Variants in GLIS3 observed in about 807,000 individuals in gnomAD.
GLIS3 encodes the protein zinc finger protein GLIS3.
Under a neutral mutation model 78.6 loss-of-function variants are expected in GLIS3, and 53 were observed. The observed-to-expected ratio is 0.67, with a 90% CI of 0.54 to 0.85. GLIS3 has a LOEUF of 0.85. Among genes scored for constraint, GLIS3 ranks in the 40% least tolerant of loss-of-function variants. The probability of loss-of-function intolerance (pLI) is 0.00; values close to 1 mark genes in which losing one functional copy is unlikely to be tolerated. For synonymous variants in GLIS3, 684 were observed against 509.9 expected, an observed-to-expected ratio of 1.34 and a Z score of -4.60; for missense variants, 1,703 against 1,231.1, an observed-to-expected ratio of 1.38 and a Z score of -5.74.
At chr9:4,061,644 T>C (rs760238628) in intron 4 of GLIS3, among the ~76,000 whole-genome samples, 4 of 152,198 alleles carry the variant, frequency 2.6e-5, no homozygotes, top group African/African-American at 4.8e-5. Flanking sequence ...AAAAATGAGA[T>C]GTTGATACTT....
At chr9:4,033,100 G>A (rs1823991281) in intron 4 of GLIS3, among the ~76,000 whole-genome samples, 1 of 152,046 alleles carries the variant, frequency 6.6e-6, no homozygotes, top group African/African-American at 2.4e-5. Context: ...TGATCCACCT[G>A]CCTCAGTCTC....
chr9:4,208,820 C>A (rs1047783468), intron 2 of GLIS3, among the ~76,000 whole-genome samples: 2 of 152,208 alleles, frequency 1.3e-5, no homozygotes, highest in African/African-American at 4.8e-5. Flanking sequence ...CTCTTGGTGA[C>A]ACCAGTGACC....
rs760717349 is a variant in GLIS3, at chr9:3,937,125, G to C, written c.1775C>G (p.Thr592Arg). Reference protein sequence around the residue: ...ENLKIHLRSHTGEKPYLCQHP... With the variant: ...ENLKIHLRSHRGEKPYLCQHP... ...CTGGCACAAATACGGCTTCTCGCCT[G>C]TGTGGCTCCGCAAGTGGATCTTGAG... Residue 592 changes from threonine to arginine, a missense_variant, in exon 5 of 11, where the codon ACA (threonine) becomes AGA (arginine). Transcript: ENST00000381971. 3.1e-6 allele frequency: 5 copies of C among 1,614,134 alleles called. No individual in the cohort carries two copies. Among genetic ancestry groups the C allele is most frequent in the Non-Finnish European group, 3.4e-6 (4 of 1,180,020 alleles).
chr9:4,209,557 A>G (rs1016486674), intron 2 of GLIS3, among the ~76,000 whole-genome samples: 4 of 152,176 alleles, frequency 2.6e-5, no homozygotes, highest in Admixed American at 2.0e-4. Flanking sequence ...TGTGCCTGCC[A>G]TCCTCTTGGA....
At chr9:4,396,460 T>G in the GLIS3 span, among the ~76,000 whole-genome samples, 1 of 152,170 alleles carries the variant, frequency 6.6e-6, no homozygotes, top group African/African-American at 2.4e-5. Context: ...ATACAAACAT[T>G]TCATCATCCT....
chr9:3,961,879 C>G (rs1817579701), intron 4 of GLIS3, among the ~76,000 whole-genome samples: 1 of 152,126 alleles, frequency 6.6e-6, no homozygotes, highest in Non-Finnish European at 1.5e-5. Flanking sequence ...GTTATGATCA[C>G]AAAGTATCTT....
intron 4 of GLIS3, among the ~76,000 whole-genome samples, chr9:3,938,776 G>A (rs1363334878): frequency 6.6e-6 from 1 of 152,128 alleles, no homozygotes; most frequent in Non-Finnish European, 1.5e-5. Flanking sequence ...TGCTGACGAA[G>A]CCAACTACTT....
At chr9:4,435,170 T>C in the GLIS3 span, among the ~76,000 whole-genome samples, 3 of 152,354 alleles carry the variant, frequency 2.0e-5, no homozygotes, top group East Asian at 5.8e-4. Context: ...AGATTCTTCC[T>C]CTCAATGACT....
chr9:4,210,526 T>A (rs1820285630), intron 2 of GLIS3, among the ~76,000 whole-genome samples: 1 of 152,256 alleles, frequency 6.6e-6, no homozygotes, highest in Non-Finnish European at 1.5e-5. Context: ...AAGCTATTTA[T>A]GACTGCTAAG....
At chr9:4,189,308 T>C (rs899135700) in intron 2 of GLIS3, among the ~76,000 whole-genome samples, 2 of 152,338 alleles carry the variant, frequency 1.3e-5, no homozygotes, top group Middle Eastern at 6.8e-3. Flanking sequence ...CTGAGCGGTT[T>C]TGAGTGAGTT....
the GLIS3 span, among the ~76,000 whole-genome samples, chr9:4,484,240 T>TTA: frequency 8.5e-6 from 1 of 117,458 alleles, no homozygotes; most frequent in Non-Finnish European, 1.7e-5. Flanking sequence ...TTTTTTTTTA[T>TTA]TTTTTTTATT....
At chr9:4,141,362 G>C (rs987226067) in intron 2 of GLIS3, among the ~76,000 whole-genome samples, 1 of 152,144 alleles carries the variant, frequency 6.6e-6, no homozygotes, top group Non-Finnish European at 1.5e-5. Flanking sequence ...CTTCGGGCCT[G>C]GGCTCCCAGC....
At chr9:4,175,426 G>C (rs1043814375) in intron 2 of GLIS3, among the ~76,000 whole-genome samples, 1 of 152,122 alleles carries the variant, frequency 6.6e-6, no homozygotes, top group Non-Finnish European at 1.5e-5. Context: ...CCCATGCTAG[G>C]CCTTCTCCTA....
intron 4 of GLIS3, among the ~76,000 whole-genome samples, chr9:4,010,425 T>C (rs1428821818): frequency 6.6e-6 from 1 of 152,166 alleles, no homozygotes; most frequent in East Asian, 1.9e-4. Flanking sequence ...CCTCTCCCCT[T>C]TAGAAGCCCA....
At chr9:4,142,624 T>A (rs985841900) in intron 2 of GLIS3, among the ~76,000 whole-genome samples, 3 of 152,160 alleles carry the variant, frequency 2.0e-5, no homozygotes, top group African/African-American at 7.2e-5. Context: ...AATACAAACC[T>A]TGAAACAAAT....
intron 2 of GLIS3, among the ~76,000 whole-genome samples, chr9:4,209,811 T>TCC (rs1428698610): frequency 2.4e-5 from 2 of 84,952 alleles, no homozygotes; most frequent in Admixed American, 1.0e-4. Flanking sequence ...CCAGTAGCAT[T>TCC]CCCGCCCCCC....
chr9:4,297,222 C>CTGAGG (rs1457588263), intron 1 of GLIS3, among the ~76,000 whole-genome samples: 2 of 152,160 alleles, frequency 1.3e-5, no homozygotes, highest in Non-Finnish European at 2.9e-5. Context: ...AATCATGACT[C>CTGAGG]ATCAAAGCTT....
chr9:4,289,416 A>G (rs1428697781), intron 1 of GLIS3, among the ~76,000 whole-genome samples: 2 of 152,196 alleles, frequency 1.3e-5, no homozygotes, highest in Non-Finnish European at 2.9e-5. Flanking sequence ...GTGCGAGCTG[A>G]TAGAAAAAGG....
At chr9:4,096,704 G>C in intron 4 of GLIS3, among the ~76,000 whole-genome samples, 1 of 152,082 alleles carries the variant, frequency 6.6e-6, no homozygotes, top group Non-Finnish European at 1.5e-5. Flanking sequence ...AGGGGGCGGA[G>C]AACAGCTTAT....
Sources: gnomAD v4.1 joint callset for allele counts (sites outside exome capture counted in the v4.1 genomes callset) on GRCh38, gnomAD v4.1.1 for gene constraint, MANE v1.5 for transcripts, NCBI Gene and HGNC (gene_info 2026-07-23, HGNC 2026-07-21) for gene names.